SEC11A: variants seen among roughly 807,000 people sequenced by gnomAD.
The protein encoded by SEC11A is signal peptidase complex catalytic subunit SEC11A.
Under a neutral mutation model 25.6 loss-of-function variants are expected in SEC11A, and 14 were observed. The observed-to-expected ratio is 0.55, with a 90% CI of 0.36 to 0.85. The LOEUF is 0.85. Among genes scored for constraint, SEC11A ranks in the 40% least tolerant of loss-of-function variants. The pLI is 0.01. For synonymous variants in SEC11A, 83 were observed against 76.4 expected, an observed-to-expected ratio of 1.09 and a Z score of -0.45; for missense variants, 153 against 222.9, an observed-to-expected ratio of 0.69 and a Z score of 2.00.
chr15:84,670,208 T>G, intron 5 of SEC11A, 139 bp from the exon 6 acceptor site: 1 of 745,894 alleles, frequency 1.3e-6, no homozygotes, highest in South Asian at 2.4e-5. Context: ...TATAATCCAT[T>G]TAAAAGTTTC....
intron 1 of SEC11A, among the ~76,000 whole-genome samples, chr15:84,706,943 T>C (rs1898112015): frequency 6.6e-6 from 1 of 152,158 alleles, no homozygotes; most frequent in East Asian, 1.9e-4. Flanking sequence ...ATTCAGCTCT[T>C]CTGGCTGACT....
intron 1 of SEC11A, among the ~76,000 whole-genome samples, chr15:84,713,193 CAAA>C (rs776219142): frequency 6.9e-5 from 4 of 58,156 alleles, no homozygotes; most frequent in Admixed American, 1.8e-4. Context: ...GACTCCGTCT[CAAA>C]AAAAAAAAAA....
At chr15:84,682,393 T>C (rs1897303655) in intron 3 of SEC11A, among the ~76,000 whole-genome samples, 2 of 152,136 alleles carry the variant, frequency 1.3e-5, no homozygotes, top group Non-Finnish European at 2.9e-5. Context: ...AAAGAAGAAA[T>C]ACCTCAATTC....
intron 1 of SEC11A, among the ~76,000 whole-genome samples, chr15:84,704,768 C>T (rs1898045809): frequency 6.6e-6 from 1 of 152,170 alleles, no homozygotes. Flanking sequence ...TGATAGGTTG[C>T]ATGTTCCTGT....
chr15:84,685,317 G>A, intron 3 of SEC11A, among the ~76,000 whole-genome samples: 1 of 151,870 alleles, frequency 6.6e-6, no homozygotes. Flanking sequence ...GAATAAAGTG[G>A]CATGATCTCG....
chr15:84,693,411 T>C (rs1211664508), intron 1 of SEC11A, among the ~76,000 whole-genome samples: 4 of 150,692 alleles, frequency 2.7e-5, no homozygotes, highest in African/African-American at 9.7e-5. Context: ...ACTCAAAATA[T>C]GATTTGAATA....
At chr15:84,670,849 A>G (rs1000267489) in intron 4 of SEC11A, 67 bp from the exon 5 acceptor site, 3 of 679,464 alleles carry the variant, frequency 4.4e-6, no homozygotes, top group African/African-American at 1.8e-5. Context: ...CACTCACTGA[A>G]TATTATCAAT....
At chr15:84,687,595 AG>A in intron 3 of SEC11A, 29 bp downstream of exon 3, 1 of 1,512,186 alleles carries the variant, frequency 6.6e-7, no homozygotes, top group Non-Finnish European at 8.8e-7. Context: ...AAAAGCACTT[AG>A]AAACAAAGAT....
At chr15:84,698,222 G>A (rs775424658) in intron 1 of SEC11A, among the ~76,000 whole-genome samples, 7 of 152,074 alleles carry the variant, frequency 4.6e-5, no homozygotes, top group Non-Finnish European at 7.4e-5. Flanking sequence ...TGTATTTACT[G>A]ATCACAATGA....
At chr15:84,691,832 A>C (rs1411506932) in intron 1 of SEC11A, 188 bp from the exon 2 acceptor site, 1 of 420,560 alleles carries the variant, frequency 2.4e-6, no homozygotes, top group Non-Finnish European at 4.2e-6. Context: ...TTTCACCCAA[A>C]GCACCCTGCT....
At chr15:84,680,125 C>T (rs908198613) in intron 4 of SEC11A, among the ~76,000 whole-genome samples, 3 of 151,064 alleles carry the variant, frequency 2.0e-5, no homozygotes, top group East Asian at 1.9e-4. Flanking sequence ...ATAAATATAA[C>T]GCCATCTCTA....
intron 4 of SEC11A, among the ~76,000 whole-genome samples, chr15:84,675,244 T>TA (rs1897105485): frequency 6.6e-6 from 1 of 152,206 alleles, no homozygotes; most frequent in Non-Finnish European, 1.5e-5. Flanking sequence ...ATCTAGAAGG[T>TA]AAAATGCATT....
intron 1 of SEC11A, among the ~76,000 whole-genome samples, chr15:84,712,744 C>G (rs1898320838): frequency 6.6e-6 from 1 of 152,004 alleles, no homozygotes. Flanking sequence ...CTGCGTCCAG[C>G]CTAAAAACTG....
At position 84,680,799 on chromosome 15, in the gene SEC11A, T is replaced by C; in HGVS notation, c.345A>G (p.Gly115=). Residue 115 remains glycine, a synonymous_variant, in exon 4 of 6, where the codon GGA becomes GGG. Coordinates refer to ENST00000268220, the MANE Select transcript of SEC11A (RefSeq NM_014300.4). ...CTCGGTCATCAACCGCATTATTATC[T>C]CCTTTGGTCAAAAACTTGATATGCC... ...QNGHIKFLTK[G]DNNAVDDRGL... is the part of the protein sequence containing the mutation. 1 of 1,611,450 alleles carries C rather than the reference T, an allele frequency of 6.2e-7. No individual in the cohort carries two copies. The highest frequency in any genetic ancestry group is 1.1e-5 in the South Asian group (1 of 90,844).
At chr15:84,682,500 G>C (rs1030631046) in intron 3 of SEC11A, among the ~76,000 whole-genome samples, 1 of 152,160 alleles carries the variant, frequency 6.6e-6, no homozygotes, top group Non-Finnish European at 1.5e-5. Flanking sequence ...CCAGGCTGGA[G>C]TGCAATGGCA....
At chr15:84,670,820 G>C (rs766767527) in intron 4 of SEC11A, 38 bp from the exon 5 acceptor site, 1 of 1,004,290 alleles carries the variant, frequency 1.0e-6, no homozygotes, top group African/African-American at 1.7e-5. Context: ...CAGAATTTCC[G>C]ATGTAAAGCA....
Position 84,670,015 on chromosome 15 carries a change from C to T in SEC11A, c.*4G>A. ...ATCTTCCCAGGAACAGCAAGGCAGG[C>T]TTCTTACTCACGATGAACCAGCACG... On this transcript the variant is annotated 3_prime_UTR_variant, in exon 6 of 6. Coordinates refer to ENST00000268220, the MANE Select transcript of SEC11A (RefSeq NM_014300.4). 1.2e-6 allele frequency: 2 copies of T among 1,613,632 alleles called. No homozygotes were observed. Among genetic ancestry groups the T allele is most frequent in the East Asian group, 4.5e-5 (2 of 44,884 alleles).
At chr15:84,679,858 G>C (rs751435694) in intron 4 of SEC11A, 3 of 1,063,690 alleles carry the variant, frequency 2.8e-6, no homozygotes, top group Non-Finnish European at 1.4e-6. Context: ...CCTAATAAAC[G>C]TGAGTTATTG....
At chr15:84,683,562 T>C (rs1406121114) in intron 3 of SEC11A, among the ~76,000 whole-genome samples, 1 of 146,668 alleles carries the variant, frequency 6.8e-6, no homozygotes, top group Non-Finnish European at 1.5e-5. Context: ...ATTAGACCTA[T>C]TTTTTTTTTT....
Sources: allele counts gnomAD v4.1 joint callset (sites outside exome capture counted in the v4.1 genomes callset), GRCh38; gene constraint gnomAD v4.1.1; transcripts MANE v1.5; gene names NCBI Gene and HGNC (gene_info 2026-07-23, HGNC 2026-07-21).